The following WIPF2 variants were observed in gnomAD, a reference collection of about 807,000 sequenced individuals.
WIPF2 encodes WAS/WASL interacting protein family member 2, also known as WAS/WASL-interacting protein family member 2.
A neutral mutation model predicts 38.8 loss-of-function variants in WIPF2; 23 were observed. The ratio of observed to expected loss-of-function variants is 0.59; its 90% CI spans 0.43 to 0.84. The LOEUF is 0.84. Ranked by LOEUF, WIPF2 falls within the 40% of genes least tolerant of loss-of-function variation. WIPF2 has a pLI of 0.00. For synonymous variants in WIPF2, 210 were observed against 223.2 expected, an observed-to-expected ratio of 0.94 and a Z score of 0.53; for missense variants, 574 against 580.5, an observed-to-expected ratio of 0.99 and a Z score of 0.11.
At chr17:40,241,996 A>G (rs1171266687) in intron 1 of WIPF2, among the ~76,000 whole-genome samples, 1 of 152,118 alleles carries the variant, frequency 6.6e-6, no homozygotes, top group African/African-American at 2.4e-5. Flanking sequence ...GTTCTTGGAA[A>G]TCTTGTGGCT....
At chr17:40,241,161 A>G (rs896670057) in intron 1 of WIPF2, among the ~76,000 whole-genome samples, 1 of 152,120 alleles carries the variant, frequency 6.6e-6, no homozygotes, top group Non-Finnish European at 1.5e-5. Context: ...ACCAAGAATC[A>G]CTTAAAGTGC....
intron 1 of WIPF2, among the ~76,000 whole-genome samples, chr17:40,234,901 T>G (rs972958892): frequency 6.6e-6 from 1 of 151,928 alleles, no homozygotes; most frequent in Non-Finnish European, 1.5e-5. Flanking sequence ...CTTCTTCCAT[T>G]GTGCAAATCT....
chr17:40,233,320 T>G (rs376818724), intron 1 of WIPF2, among the ~76,000 whole-genome samples: 1 of 152,168 alleles, frequency 6.6e-6, no homozygotes, highest in Non-Finnish European at 1.5e-5. Flanking sequence ...GGTAATTGTT[T>G]TTTGTCAAAA....
At chr17:40,271,993 G>A (rs948565650) in intron 5 of WIPF2, among the ~76,000 whole-genome samples, 2 of 151,916 alleles carry the variant, frequency 1.3e-5, no homozygotes, top group African/African-American at 4.8e-5. Context: ...TCACCAAAAA[G>A]CAGATTCAGA....
chr17:40,269,220 T>C (rs1370631729), intron 5 of WIPF2, among the ~76,000 whole-genome samples: 5 of 152,062 alleles, frequency 3.3e-5, no homozygotes, highest in African/African-American at 1.2e-4. Flanking sequence ...CTCGAGAGGC[T>C]GAGACGGGAG....
At chr17:40,228,892 G>T (rs1025640615) in intron 1 of WIPF2, among the ~76,000 whole-genome samples, 5 of 151,678 alleles carry the variant, frequency 3.3e-5, no homozygotes, top group African/African-American at 1.2e-4. Flanking sequence ...ACAGGCATGA[G>T]CCACCACACC....
At chr17:40,229,523 A>G (rs11651628) in intron 1 of WIPF2, among the ~76,000 whole-genome samples, 136 of 152,224 alleles carry the variant, frequency 8.9e-4, no homozygotes, top group Non-Finnish European at 1.7e-3. Flanking sequence ...CCCAGGTTCA[A>G]GCCATTCTGC....
At chr17:40,243,542 C>T (rs1399388809) in intron 1 of WIPF2, among the ~76,000 whole-genome samples, 1 of 151,432 alleles carries the variant, frequency 6.6e-6, no homozygotes, top group East Asian at 1.9e-4. Context: ...AAGACAGAGT[C>T]TTGCTCTGTC....
chr17:40,224,231 C>CTTT (rs57637591), intron 1 of WIPF2, among the ~76,000 whole-genome samples: 15 of 110,118 alleles, frequency 1.4e-4, no homozygotes, highest in African/African-American at 1.4e-4. Flanking sequence ...CTTTTCTTTT[C>CTTT]TTTTTTTTTT....
intron 1 of WIPF2, among the ~76,000 whole-genome samples, chr17:40,230,729 G>C (rs1185405245): frequency 1.3e-5 from 2 of 152,126 alleles, no homozygotes; most frequent in Non-Finnish European, 2.9e-5. Flanking sequence ...GGGAGGAGCA[G>C]GGAGGAGTGT....
intron 1 of WIPF2, among the ~76,000 whole-genome samples, chr17:40,248,765 A>C (rs1323834149): frequency 2.6e-5 from 4 of 152,224 alleles, no homozygotes; most frequent in Non-Finnish European, 4.4e-5. Context: ...TGGGAGATAG[A>C]GTAGTCAAAG....
intron 5 of WIPF2, among the ~76,000 whole-genome samples, chr17:40,268,596 ATTTTT>A (rs1051722252): frequency 6.6e-6 from 1 of 151,632 alleles, no homozygotes; most frequent in Non-Finnish European, 1.5e-5. Context: ...GCTCATTAAA[ATTTTT>A]TTTTATTTTT....
chr17:40,255,416 C>T (rs1358174595), intron 1 of WIPF2, among the ~76,000 whole-genome samples: 1 of 151,878 alleles, frequency 6.6e-6, no homozygotes, highest in Non-Finnish European at 1.5e-5. Context: ...ACCTCTGCCT[C>T]CCAGGTTCAA....
chr17:40,250,186 A>T (rs568799216), intron 1 of WIPF2, among the ~76,000 whole-genome samples: 8 of 124,176 alleles, frequency 6.4e-5, no homozygotes, highest in South Asian at 5.3e-4. Context: ...TAAGATATTG[A>T]CTCCTGAGGA....
At chr17:40,258,143 A>T (rs137956425) in intron 2 of WIPF2, among the ~76,000 whole-genome samples, 1,787 of 152,348 alleles carry the variant, frequency 0.012, 15 homozygotes, top group Non-Finnish European at 0.017. Flanking sequence ...CACGCCTGGA[A>T]TCCCAGCACT....
intron 1 of WIPF2, among the ~76,000 whole-genome samples, chr17:40,220,776 G>GTTT (rs773127708): frequency 7.9e-6 from 1 of 125,944 alleles, no homozygotes; most frequent in East Asian, 2.3e-4. Flanking sequence ...CCCAGAATTC[G>GTTT]TTTTTTTTTT....
intron 5 of WIPF2, among the ~76,000 whole-genome samples, chr17:40,268,413 G>A (rs575600173): frequency 3.1e-4 from 47 of 152,138 alleles, no homozygotes; most frequent in Non-Finnish European, 5.7e-4. Context: ...AAGACTCTTT[G>A]TCTGAGCAAA....
chr17:40,265,388 A>G (rs2032056788), intron 5 of WIPF2, among the ~76,000 whole-genome samples: 1 of 152,242 alleles, frequency 6.6e-6, no homozygotes, highest in South Asian at 2.1e-4. Context: ...ATTACAAAGC[A>G]GAGGAGAGGA....
intron 1 of WIPF2, among the ~76,000 whole-genome samples, chr17:40,222,347 T>C (rs534535464): frequency 6.6e-6 from 1 of 151,184 alleles, no homozygotes; most frequent in East Asian, 2.1e-4. Flanking sequence ...CCACCGCGCC[T>C]GGCCGACCTG....
Sources: gnomAD v4.1 joint callset for allele counts (sites outside exome capture counted in the v4.1 genomes callset) on GRCh38, gnomAD v4.1.1 for gene constraint, MANE v1.5 for transcripts, NCBI Gene and HGNC (gene_info 2026-07-23, HGNC 2026-07-21) for gene names.